Variants in CCDC146 observed in about 807,000 individuals in gnomAD.
CCDC146 encodes coiled-coil domain-containing protein 146.
In CCDC146, 92 loss-of-function variants were observed where a neutral mutation model predicts 119.3. That is an observed-to-expected ratio of 0.77 (90% confidence interval 0.65 to 0.92). The LOEUF is 0.92. CCDC146 is among the 40% of genes least tolerant of loss of function. The pLI is 0.00. For missense variants in CCDC146, 1,000 were observed against 1,103.0 expected (o/e 0.91, Z 1.32); for synonymous variants, 372 against 371.8 (o/e 1.00, Z -0.01).
At chr7:77,172,114 T>C (rs2117496747) in intron 2 of CCDC146, among the ~76,000 whole-genome samples, 1 of 152,184 alleles carries the variant, frequency 6.6e-6, no homozygotes, top group East Asian at 1.9e-4. Flanking sequence ...CTCAAAACAG[T>C]GATAAATTGC....
At chr7:77,227,365 G>A (rs1792534068) in intron 2 of CCDC146, among the ~76,000 whole-genome samples, 1 of 152,194 alleles carries the variant, frequency 6.6e-6, no homozygotes, top group African/African-American at 2.4e-5. Context: ...GAGTGCAGTG[G>A]TGCAATCTCG....
At chr7:77,240,160 C>T (rs762148207) in intron 3 of CCDC146, among the ~76,000 whole-genome samples, 13 of 152,300 alleles carry the variant, frequency 8.5e-5, no homozygotes, top group South Asian at 4.1e-4. Flanking sequence ...GGGAAAACCT[C>T]CTCTTTCCGT....
intron 2 of CCDC146, among the ~76,000 whole-genome samples, chr7:77,173,081 T>G (rs909092240): frequency 6.6e-6 from 1 of 151,902 alleles, no homozygotes; most frequent in Non-Finnish European, 1.5e-5. Flanking sequence ...CACCAGGGCC[T>G]GTTTGGGGGT....
At chr7:77,239,248 T>C (rs889160831) in intron 3 of CCDC146, among the ~76,000 whole-genome samples, 2 of 152,236 alleles carry the variant, frequency 1.3e-5, no homozygotes, top group African/African-American at 4.8e-5. Flanking sequence ...ACAATTTCAA[T>C]AGCTGAAGCC....
intron 16 of CCDC146, 120 bp from the exon 17 acceptor site, chr7:77,287,320 C>T: frequency 9.2e-7 from 1 of 1,082,644 alleles, no homozygotes; most frequent in Non-Finnish European, 1.4e-6. Flanking sequence ...TAACCCAGCT[C>T]TAAACACTTT....
rs868291337 is a variant in CCDC146, at chr7:77,260,002, C to G, written c.759-7C>G. 1.7e-6 allele frequency: 2 copies of G among 1,208,724 alleles called. No individual in the cohort carries two copies. The highest frequency in any genetic ancestry group is 1.2e-5 in the South Asian group (1 of 81,212). 74.9% of individuals were successfully genotyped at this position (1,208,724 alleles called of 1,614,324 possible). A position where few individuals can be genotyped will look rare whatever the true frequency, so the allele number is the denominator to read the frequency against. On this transcript the variant is annotated splice_polypyrimidine_tract_variant and splice_region_variant and intron_variant, in intron 7 of 18. Coordinates refer to ENST00000285871, the MANE Select transcript of CCDC146 (RefSeq NM_020879.3). ...TGTGTGTGTGTGTGTGTGTGTATCC[C>G]CTACAGAGAAATGGAAAAGAAAAAA...
At chr7:77,278,028 TATG>T (rs1194225869) in intron 11 of CCDC146, among the ~76,000 whole-genome samples, 5 of 152,216 alleles carry the variant, frequency 3.3e-5, no homozygotes, top group East Asian at 1.9e-4. Flanking sequence ...CTGATCTCAA[TATG>T]ATGCCTTATT....
chr7:77,202,293 G>A (rs1432630786), intron 2 of CCDC146, among the ~76,000 whole-genome samples: 3 of 152,184 alleles, frequency 2.0e-5, no homozygotes, highest in East Asian at 1.9e-4. Context: ...TTTTCTTCAC[G>A]TTGGACTTTG....
chr7:77,249,690 CTT>C (rs1456879523), intron 4 of CCDC146, among the ~76,000 whole-genome samples: 4 of 151,810 alleles, frequency 2.6e-5, no homozygotes, highest in East Asian at 3.9e-4. Flanking sequence ...ATATATGTGT[CTT>C]TATATTTAAA....
intron 2 of CCDC146, among the ~76,000 whole-genome samples, chr7:77,197,612 A>G (rs1219275449): frequency 2.0e-5 from 3 of 152,258 alleles, no homozygotes; most frequent in Admixed American, 2.0e-4. Flanking sequence ...AGGGGCTGAT[A>G]GCCTCTACTG....
chr7:77,271,515 T>TAGATAGATAG (rs1562856508), intron 9 of CCDC146, among the ~76,000 whole-genome samples: 1 of 334 alleles, frequency 3.0e-3, no homozygotes, highest in Admixed American at 0.023. Context: ...TAATAGGAGA[T>TAGATAGATAG]ATATATATAT....
chr7:77,230,577 G>A (rs371762135), intron 2 of CCDC146, among the ~76,000 whole-genome samples: 7 of 151,536 alleles, frequency 4.6e-5, no homozygotes, highest in African/African-American at 1.7e-4. Context: ...CATTATTTTA[G>A]ATGAGAAGTT....
At chr7:77,245,286 C>T (rs982279153) in intron 4 of CCDC146, among the ~76,000 whole-genome samples, 6 of 152,156 alleles carry the variant, frequency 3.9e-5, no homozygotes, top group Non-Finnish European at 8.8e-5. Context: ...TAATTAAATA[C>T]AGTTGAGCTT....
At chr7:77,137,170 C>T (rs1326841202) in intron 1 of CCDC146, among the ~76,000 whole-genome samples, 1 of 151,542 alleles carries the variant, frequency 6.6e-6, no homozygotes, top group East Asian at 1.9e-4. Context: ...AGGTGAGAAA[C>T]TAGAAGCTTT....
chr7:77,240,548 C>A (rs764830752), intron 3 of CCDC146, among the ~76,000 whole-genome samples: 1 of 152,042 alleles, frequency 6.6e-6, no homozygotes, highest in East Asian at 1.9e-4. Context: ...ACTTGTGATA[C>A]CTAATACAAT....
chr7:77,294,077 A>T (rs1391727838), intron 18 of CCDC146, among the ~76,000 whole-genome samples: 1 of 152,172 alleles, frequency 6.6e-6, no homozygotes, highest in Non-Finnish European at 1.5e-5. Context: ...TATTTTCCAG[A>T]GGCACAGACA....
chr7:77,209,110 T>G (rs1176102701), intron 2 of CCDC146, among the ~76,000 whole-genome samples: 1 of 152,118 alleles, frequency 6.6e-6, no homozygotes, highest in Non-Finnish European at 1.5e-5. Context: ...CTTAACTCAT[T>G]CCAACATTAA....
intron 9 of CCDC146, among the ~76,000 whole-genome samples, chr7:77,268,021 A>G (rs1315158977): frequency 2.0e-5 from 3 of 152,210 alleles, no homozygotes; most frequent in Non-Finnish European, 4.4e-5. Flanking sequence ...GAGTCTCAAT[A>G]GAGGGTATTA....
At chr7:77,155,770 T>C (rs1395489178) in intron 1 of CCDC146, among the ~76,000 whole-genome samples, 1 of 152,184 alleles carries the variant, frequency 6.6e-6, no homozygotes, top group African/African-American at 2.4e-5. Context: ...GCTTGCATGC[T>C]GACAAGGGCA....
Sources: allele counts gnomAD v4.1 joint callset (sites outside exome capture counted in the v4.1 genomes callset), GRCh38; gene constraint gnomAD v4.1.1; transcripts MANE v1.5; gene names NCBI Gene and HGNC (gene_info 2026-07-23, HGNC 2026-07-21).